FBXO10: variants seen among roughly 807,000 people sequenced by gnomAD.
The protein encoded by FBXO10 is F-box protein 10, also known as F-box only protein 10.
FBXO10 carries 39 observed loss-of-function variants against 80.7 expected under a neutral mutation model. That is an observed-to-expected ratio of 0.48 (90% CI 0.37 to 0.63). FBXO10 has a LOEUF of 0.63. Ranked by LOEUF, FBXO10 falls within the 30% of genes least tolerant of loss-of-function variation. The pLI, the probability that FBXO10 is intolerant of heterozygous loss-of-function variation, is 0.00. For missense variants in FBXO10, 1,025 were observed against 1,269.0 expected, an observed-to-expected ratio of 0.81 and a Z score of 2.92; for synonymous variants, 449 against 489.6, an observed-to-expected ratio of 0.92 and a Z score of 1.09.
At chr9:37,549,826 C>G (rs886514574) in intron 1 of FBXO10, among the ~76,000 whole-genome samples, 1 of 152,202 alleles carries the variant, frequency 6.6e-6, no homozygotes, top group Admixed American at 6.5e-5. Context: ...TTTAGCAATA[C>G]TACAAGTGGC....
At chr9:37,549,637 T>C (rs555352882) in intron 1 of FBXO10, among the ~76,000 whole-genome samples, 153 of 152,358 alleles carry the variant, frequency 1.0e-3, no homozygotes, top group African/African-American at 3.4e-3. Context: ...GGTTCCCCTC[T>C]ATCTTTTCTT....
chr9:37,547,892 A>G (rs1220691927), intron 1 of FBXO10, among the ~76,000 whole-genome samples: 1 of 151,938 alleles, frequency 6.6e-6, no homozygotes, highest in Non-Finnish European at 1.5e-5. Flanking sequence ...TAGGAGTTTG[A>G]GGTTACAATA....
Position 37,537,734 on chromosome 9 carries a change from A to C in FBXO10, c.795T>G (p.Asp265Glu). The part of the protein sequence containing the change: ...SVTVEGHPSA[D>E]KNWAYKYLLG... ...GTAGATACTTGTAGGCCCAGTTCTT[A>C]TCTGCAGATGGGTGACCCTCAACAG... The change falls in exon 3 of 11, where the codon GAT becomes GAG. Residue 265 changes from aspartate (D) to glutamate (E), a missense_variant. Asp to Glu is a conservative substitution (Grantham distance 45, BLOSUM62 2). This residue lies in a region of FBXO10 where 450 missense variants were observed against 499.4 expected (regional missense o/e 0.90). Coordinates refer to ENST00000432825, the MANE Select transcript of FBXO10 (RefSeq NM_012166.3). The C allele has an allele frequency of 6.2e-7, 1 of 1,614,042 alleles. No individual in the cohort carries two copies. Among genetic ancestry groups the C allele is most frequent in the Non-Finnish European group, 8.5e-7 (1 of 1,179,892 alleles).
intron 10 of FBXO10, chr9:37,515,623 C>T (rs554717690): frequency 2.9e-5 from 9 of 310,828 alleles, no homozygotes; most frequent in South Asian, 1.6e-4. Context: ...TACTAAGGCT[C>T]GAAGATGTGA....
intron 1 of FBXO10, among the ~76,000 whole-genome samples, chr9:37,562,519 C>T (rs7850177): frequency 0.56 from 84,594 of 152,042 alleles, 24,501 homozygotes; most frequent in African/African-American, 0.73. Flanking sequence ...TAAATGTTTT[C>T]CTTCATTTAT....
At chr9:37,526,044 C>G (rs1821463902) in intron 5 of FBXO10, among the ~76,000 whole-genome samples, 1 of 151,854 alleles carries the variant, frequency 6.6e-6, no homozygotes, top group Admixed American at 6.6e-5. Context: ...AATCTCACCT[C>G]CAGAAAGGAT....
chr9:37,550,680 T>C (rs1022474162), intron 1 of FBXO10, among the ~76,000 whole-genome samples: 1 of 152,148 alleles, frequency 6.6e-6, no homozygotes, highest in Non-Finnish European at 1.5e-5. Flanking sequence ...GGTTTACCCA[T>C]GTTGGCCAGG....
At chr9:37,527,016 A>G (rs1821494646) in intron 5 of FBXO10, among the ~76,000 whole-genome samples, 1 of 151,638 alleles carries the variant, frequency 6.6e-6, no homozygotes. Context: ...ATACCTGGCT[A>G]TTTTTTATAT....
chr9:37,551,187 T>A (rs1429051308), intron 1 of FBXO10, among the ~76,000 whole-genome samples: 2 of 152,252 alleles, frequency 1.3e-5, no homozygotes, highest in East Asian at 3.8e-4. Flanking sequence ...CGACTCCATG[T>A]CCAACTTTCT....
intron 3 of FBXO10, among the ~76,000 whole-genome samples, chr9:37,535,220 G>T (rs1267509890): frequency 2.0e-5 from 3 of 152,186 alleles, no homozygotes; most frequent in African/African-American, 7.2e-5. Context: ...CCAGGCAAAA[G>T]AAGAGGTGTG....
chr9:37,512,536 G>A lies in FBXO10; in HGVS notation c.*11C>T. On this transcript the variant is annotated 3_prime_UTR_variant, in exon 11 of 11. Coordinates refer to ENST00000432825, the MANE Select transcript of FBXO10 (RefSeq NM_012166.3). ...CCCATCCAGGCTTGGCCCTGAAGCAGGTCTGTGTCCTCACAGGATGGTGCA... is the reference window on the plus strand; with the variant it reads ...CCCATCCAGGCTTGGCCCTGAAGCAAGTCTGTGTCCTCACAGGATGGTGCA... The A allele has an allele frequency of 6.2e-7, 1 of 1,610,200 alleles. No individual in the cohort carries two copies. The highest frequency in any genetic ancestry group is 1.1e-5 in the South Asian group (1 of 90,834).
intron 1 of FBXO10, among the ~76,000 whole-genome samples, chr9:37,542,570 T>C (rs1007199062): frequency 4.7e-5 from 6 of 126,886 alleles, no homozygotes; most frequent in African/African-American, 1.9e-4. Flanking sequence ...CGCTCCAGCA[T>C]GGGCAACAAG....
rs190021829 is a variant in FBXO10 at position 37,524,002 on chromosome 9, G to A, written c.1778-1025C>T. ...TTTACCCACAAGCCTGTGAGAAGGC[G>A]CTAGCCTCACCTGCAATGGCTCAGG... On this transcript the variant is annotated intron_variant, in intron 6 of 10. Coordinates refer to ENST00000432825, the MANE Select transcript of FBXO10 (RefSeq NM_012166.3). Among the ~76,000 whole-genome samples the A allele has an allele frequency of 1.4e-3, 209 of 152,314 alleles. 1 individual carries two copies. Among genetic ancestry groups the A allele is most frequent in the South Asian group, 9.9e-3 (48 of 4,826 alleles).
rs759453792 is a variant in FBXO10 at position 37,521,627 on chromosome 9, T to C, written c.2142A>G (p.Pro714=). ...GAGCTATGGTGATGGGCCGGCGCAG[T>C]GGGTCGTCCTCCTTCTCCAGCTCTG... The part of the protein sequence containing the change: ...WETELEKEDD[P]LRRPITIALV... Residue 714 remains proline (P), a synonymous_variant, in exon 8 of 11, where the codon CCA becomes CCG. Transcript: ENST00000432825. 1 of 1,613,812 alleles carries C rather than the reference T, an allele frequency of 6.2e-7. No individual in the cohort carries two copies. Among genetic ancestry groups the C allele is most frequent in the African/African-American group, 1.3e-5 (1 of 74,894 alleles).
Position 37,512,499 on chromosome 9 carries a change from C to T in FBXO10, c.*48G>A, listed in dbSNP as rs757708539. 12 of 1,578,300 alleles carry T rather than the reference C, an allele frequency of 7.6e-6. No homozygotes were observed. The African/African-American group carries it at 1.6e-4, about 21-fold the overall frequency. The stretch of plus-strand genomic sequence containing the variant: ...TTTTCAGGCAGTATTTCCACCTTAG[C>T]TCCTCTGAGCACCCATCCAGGCTTG... On this transcript the variant is annotated 3_prime_UTR_variant, in exon 11 of 11. Coordinates refer to ENST00000432825, the MANE Select transcript of FBXO10 (RefSeq NM_012166.3).
rs146876692 is a variant in FBXO10, at chr9:37,521,698, C to T, written c.2071G>A (p.Ala691Thr). The stretch of plus-strand genomic sequence containing the variant: ...CCATCCTCGCTGAAGTTCTCTTGAG[C>T]CCTGTGGCCTCGAGGTAACTCGCTG... ...GSSELPRGHR[A>T]QENFSEDGDA... The change falls in exon 8 of 11, where the codon GCT (alanine) becomes ACT (threonine). Residue 691 changes from alanine (A) to threonine (T), a missense_variant. Around this residue, in one of 3 missense-constraint regions of FBXO10, gnomAD observed 478 missense variants for 667.8 expected, o/e 0.72. Coordinates refer to ENST00000432825, the MANE Select transcript of FBXO10 (RefSeq NM_012166.3). 14 of 1,613,968 alleles carry T rather than the reference C, an allele frequency of 8.7e-6. No homozygotes were observed. The highest frequency in any genetic ancestry group is 1.3e-5 in the African/African-American group (1 of 75,040).
At chr9:37,515,624 G>A (rs1044012282) in intron 10 of FBXO10, 6 of 313,786 alleles carry the variant, frequency 1.9e-5, no homozygotes, top group Admixed American at 1.5e-4. Context: ...ACTAAGGCTC[G>A]AAGATGTGAA....
intron 3 of FBXO10, among the ~76,000 whole-genome samples, chr9:37,533,872 CAAA>C (rs200965716): frequency 9.2e-6 from 1 of 108,986 alleles, no homozygotes; most frequent in Admixed American, 9.4e-5. Flanking sequence ...GACTCCGTCT[CAAA>C]AAAAAAAAAA....
At chr9:37,536,730 C>A (rs1038623874) in intron 3 of FBXO10, among the ~76,000 whole-genome samples, 41 of 152,192 alleles carry the variant, frequency 2.7e-4, no homozygotes, top group Admixed American at 5.9e-4. Flanking sequence ...AACAACCCTA[C>A]TCCAGTTTGG....
Sources: gnomAD v4.1 joint callset for allele counts (sites outside exome capture counted in the v4.1 genomes callset) on GRCh38, gnomAD v4.1.1 for gene constraint, gnomAD v4.1.1 regional missense constraint, MANE v1.5 for transcripts, NCBI Gene and HGNC (gene_info 2026-07-23, HGNC 2026-07-21) for gene names.